Variants in RGS7 observed in about 807,000 individuals in gnomAD.
RGS7 encodes the protein regulator of G protein signaling 7, also known as regulator of G-protein signaling 7.
In RGS7, 27 loss-of-function variants were observed where a neutral mutation model predicts 81.1. The ratio of observed to expected loss-of-function variants is 0.33; its 90% CI spans 0.25 to 0.46. The LOEUF is 0.46. Among genes scored for constraint, RGS7 ranks in the 20% least tolerant of loss-of-function variants. RGS7 has a pLI of 1.00. For missense variants in RGS7, 396 were observed against 607.4 expected, an observed-to-expected ratio of 0.65 and a Z score of 3.66; for synonymous variants, 208 against 207.7, an observed-to-expected ratio of 1.00 and a Z score of -0.01.
chr1:241,208,437 C>CT (rs1311874016), intron 2 of RGS7, among the ~76,000 whole-genome samples: 1 of 152,066 alleles, frequency 6.6e-6, no homozygotes, highest in East Asian at 1.9e-4. Context: ...GTCTGCTGTG[C>CT]TTTGTGTGTG....
At chr1:241,230,869 G>A (rs2075620594) in intron 2 of RGS7, among the ~76,000 whole-genome samples, 1 of 152,228 alleles carries the variant, frequency 6.6e-6, no homozygotes, top group Non-Finnish European at 1.5e-5. Flanking sequence ...GGTGCTCTAA[G>A]AAGGAGAGAG....
chr1:241,331,579 A>G (rs1478171534), intron 2 of RGS7, among the ~76,000 whole-genome samples: 2 of 152,214 alleles, frequency 1.3e-5, no homozygotes, highest in Non-Finnish European at 2.9e-5. Flanking sequence ...ACTGTGAGAC[A>G]AAGTTTAGAC....
At chr1:241,152,693 T>C (rs1354499712) in intron 2 of RGS7, among the ~76,000 whole-genome samples, 1 of 152,182 alleles carries the variant, frequency 6.6e-6, no homozygotes, top group East Asian at 1.9e-4. Context: ...GCCAATGAGC[T>C]GTGAGTGGAA....
intron 3 of RGS7, among the ~76,000 whole-genome samples, chr1:240,991,332 A>T (rs1247903779): frequency 2.6e-5 from 4 of 152,242 alleles, no homozygotes; most frequent in African/African-American, 9.6e-5. Flanking sequence ...CAAAAACAGC[A>T]AGGCAGCAAA....
chr1:241,191,622 T>C (rs2072659800), intron 2 of RGS7, among the ~76,000 whole-genome samples: 2 of 152,338 alleles, frequency 1.3e-5, no homozygotes, highest in East Asian at 3.9e-4. Context: ...CTTCATAAAA[T>C]GATTTGAGAG....
intron 2 of RGS7, among the ~76,000 whole-genome samples, chr1:241,127,373 A>G (rs2066735473): frequency 6.6e-6 from 1 of 152,202 alleles, no homozygotes. Context: ...TATGAAGCTA[A>G]GAATAAATTA....
rs529439281 is a variant in RGS7, at chr1:241,333,705, A to ATTCACTGTATT, written c.78+21983_78+21993dup. On this transcript the variant is annotated intron_variant, in intron 2 of 18. Coordinates refer to ENST00000440928, the MANE Select transcript of RGS7 (RefSeq NM_001364886.1). Reference sequence around the variant, plus strand: ...AACAATTTTACAGCGAATTAAGGGAATTCACTGTATTTTCTTATTTTCATT... The same window carrying ATTCACTGTATT: ...AACAATTTTACAGCGAATTAAGGGAATTCACTGTATTTTCACTGTATTTTCTTATTTTCATT... Among the ~76,000 whole-genome samples the ATTCACTGTATT allele has an allele frequency of 2.7e-3, 417 of 152,278 alleles. 3 individuals carry two copies. The highest frequency in any genetic ancestry group is 9.5e-3 in the African/African-American group (395 of 41,576).
intron 3 of RGS7, among the ~76,000 whole-genome samples, chr1:240,999,722 T>C (rs1225139918): frequency 1.3e-5 from 2 of 151,832 alleles, no homozygotes; most frequent in African/African-American, 4.8e-5. Flanking sequence ...TGTCTCAGCC[T>C]ACCAAGTAGC....
chr1:241,149,670 T>C (rs1160207839), intron 2 of RGS7, among the ~76,000 whole-genome samples: 1 of 152,206 alleles, frequency 6.6e-6, no homozygotes, highest in African/African-American at 2.4e-5. Context: ...ATACCCACAA[T>C]GTCAAGCAAT....
At chr1:241,246,420 C>A (rs542024248) in intron 2 of RGS7, among the ~76,000 whole-genome samples, 1 of 152,102 alleles carries the variant, frequency 6.6e-6, no homozygotes, top group African/African-American at 2.4e-5. Context: ...CATGTCCCTG[C>A]GGGTAGAAGG....
At chr1:241,297,884 A>ACTGGCTT (rs1354344451) in intron 2 of RGS7, among the ~76,000 whole-genome samples, 1 of 152,184 alleles carries the variant, frequency 6.6e-6, no homozygotes, top group African/African-American at 2.4e-5. Context: ...ATGTCCACAC[A>ACTGGCTT]CTGGCTTCGG....
At chr1:240,892,857 C>T (rs993742109) in intron 6 of RGS7, among the ~76,000 whole-genome samples, 1 of 152,100 alleles carries the variant, frequency 6.6e-6, no homozygotes, top group African/African-American at 2.4e-5. Context: ...ATTCTTTGCT[C>T]AATTAAACTC....
intron 14 of RGS7, among the ~76,000 whole-genome samples, chr1:240,808,578 A>G (rs2103081747): frequency 6.6e-6 from 1 of 152,332 alleles, no homozygotes; most frequent in East Asian, 1.9e-4. Flanking sequence ...GTTGCTCACT[A>G]TTACTGTCAC....
chr1:241,077,565 G>A (rs1167876073), intron 3 of RGS7, among the ~76,000 whole-genome samples: 1 of 152,120 alleles, frequency 6.6e-6, no homozygotes, highest in African/African-American at 2.4e-5. Context: ...AGTGTACGTG[G>A]CTCAGGGACT....
At chr1:241,299,113 A>G (rs978945858) in intron 2 of RGS7, among the ~76,000 whole-genome samples, 1 of 152,244 alleles carries the variant, frequency 6.6e-6, no homozygotes. Flanking sequence ...TTTTAACGCT[A>G]CTATGTACAA....
At chr1:241,153,271 AG>A (rs34639114) in intron 2 of RGS7, among the ~76,000 whole-genome samples, 30,118 of 152,192 alleles carry the variant, frequency 0.2, 3,742 homozygotes, top group Non-Finnish European at 0.28. Flanking sequence ...ATGAGGGCAC[AG>A]CATTTGTGCA....
intron 6 of RGS7, among the ~76,000 whole-genome samples, chr1:240,888,491 T>C (rs554442676): frequency 8.2e-4 from 125 of 152,262 alleles, no homozygotes; most frequent in Non-Finnish European, 1.6e-3. Context: ...TCCTAAGGCC[T>C]GGAGACCCGG....
intron 18 of RGS7, among the ~76,000 whole-genome samples, chr1:240,782,548 G>A (rs761406542): frequency 1.3e-4 from 19 of 151,742 alleles, no homozygotes; most frequent in Admixed American, 5.9e-4. Flanking sequence ...TCAGCCTCCC[G>A]AGTAGGTGAG....
At chr1:241,206,501 T>C (rs536646332) in intron 2 of RGS7, among the ~76,000 whole-genome samples, 2 of 152,234 alleles carry the variant, frequency 1.3e-5, no homozygotes, top group African/African-American at 4.8e-5. Flanking sequence ...AACTTTTAAA[T>C]ACTTAACCAG....
Sources: allele counts gnomAD v4.1 joint callset (sites outside exome capture counted in the v4.1 genomes callset), GRCh38; gene constraint gnomAD v4.1.1; transcripts MANE v1.5; gene names NCBI Gene and HGNC (gene_info 2026-07-23, HGNC 2026-07-21).